The following TNRC6B variants were observed in gnomAD, a reference collection of about 807,000 sequenced individuals.
TNRC6B encodes the protein trinucleotide repeat containing adaptor 6B.
In TNRC6B, 52 loss-of-function variants were observed where a neutral mutation model predicts 203.6. The ratio of observed to expected loss-of-function variants is 0.26; its 90% CI spans 0.20 to 0.32. The LOEUF (loss-of-function observed/expected upper bound fraction) is 0.32, where lower values mean the gene tolerates loss of function less well. Among genes scored for constraint, TNRC6B ranks in the 10% least tolerant of loss-of-function variants. The pLI is 1.00. For missense variants in TNRC6B, 1,923 were observed against 2,286.2 expected (o/e 0.84, Z 3.24); for synonymous variants, 838 against 845.7 (o/e 0.99, Z 0.16).
chr22:40,301,189 CAG>C lies in TNRC6B; in HGVS notation c.3977_3978del (p.Gln1326ProfsTer71). ...GAGTGCACTGCAGCAGCAGCAGCAG[CAG>C]CAGCAGAGGCAGCCAGGCATGAAGC... ...MVSALQQQQQ[Q>X]QQRQPGMKHS... is the part of the protein sequence containing the mutation. On this transcript the variant is annotated frameshift_variant, in exon 15 of 23. Transcript: ENST00000454349. LOFTEE classifies it high-confidence loss of function. 1.3e-6 allele frequency: 2 copies of C among 1,553,780 alleles called. No individual in the cohort carries two copies. Among genetic ancestry groups the C allele is most frequent in the South Asian group, 2.4e-5 (2 of 84,260 alleles).
intron 18 of TNRC6B, 113 bp downstream of exon 18, chr22:40,312,764 A>G: frequency 2.7e-6 from 4 of 1,490,204 alleles, no homozygotes; most frequent in Non-Finnish European, 3.7e-6. Context: ...AAAATGTAAA[A>G]AGATTGCTTT....
intron 1 of TNRC6B, among the ~76,000 whole-genome samples, chr22:40,073,006 G>A (rs1218947641): frequency 2.0e-5 from 3 of 151,872 alleles, no homozygotes; most frequent in Non-Finnish European, 2.9e-5. Context: ...GAGGGCACAC[G>A]TAATAAGTAT....
intron 1 of TNRC6B, among the ~76,000 whole-genome samples, chr22:40,047,412 G>A (rs1028293050): frequency 6.7e-6 from 1 of 148,816 alleles, no homozygotes; most frequent in Non-Finnish European, 1.5e-5. Flanking sequence ...GACCAGCGTG[G>A]CCAACATGGT....
rs917585688 is a variant in TNRC6B at position 40,306,058 on chromosome 22, C to T, written c.4121-2454C>T. On this transcript the variant is annotated intron_variant, in intron 15 of 22. Transcript: ENST00000454349. ...CTGTAATCCCAGCACTTTGAGAGAC[C>T]GAGGCGGGCGGCTCACAAGGTCAGG... 5.9e-5 allele frequency among the ~76,000 whole-genome samples: 9 copies of T among 151,972 alleles called. 1 individual carries two copies. Among genetic ancestry groups the T allele is most frequent in the South Asian group, 4.2e-4 (2 of 4,810 alleles).
At chr22:40,304,610 C>T (rs73885673) in intron 15 of TNRC6B, among the ~76,000 whole-genome samples, 1,616 of 152,128 alleles carry the variant, frequency 0.011, 24 homozygotes, top group African/African-American at 0.037. Flanking sequence ...TTTATGTCAA[C>T]AAAGAAATTT....
At chr22:40,150,082 G>T (rs1045729446) in intron 3 of TNRC6B, among the ~76,000 whole-genome samples, 17 of 152,132 alleles carry the variant, frequency 1.1e-4, no homozygotes, top group Admixed American at 3.3e-4. Context: ...ACTAAGGCAG[G>T]TTATTAATGT....
chr22:40,317,705 T>G (rs1341604098), intron 21 of TNRC6B, among the ~76,000 whole-genome samples: 1 of 152,198 alleles, frequency 6.6e-6, no homozygotes, highest in Non-Finnish European at 1.5e-5. Context: ...TTGGAGGAGC[T>G]TCATTTGCAC....
At chr22:40,157,982 C>T (rs1252177591) in intron 4 of TNRC6B, among the ~76,000 whole-genome samples, 1 of 152,146 alleles carries the variant, frequency 6.6e-6, no homozygotes, top group East Asian at 1.9e-4. Flanking sequence ...TCCTTGGAAG[C>T]TATGCTCTTG....
At chr22:40,060,571 A>G (rs2067840914) in intron 1 of TNRC6B, among the ~76,000 whole-genome samples, 1 of 152,206 alleles carries the variant, frequency 6.6e-6, no homozygotes, top group Admixed American at 6.5e-5. Flanking sequence ...TAGGGTCCCC[A>G]AGACTATCCC....
At chr22:40,109,593 C>A (rs1252185656) in intron 1 of TNRC6B, among the ~76,000 whole-genome samples, 1 of 152,094 alleles carries the variant, frequency 6.6e-6, no homozygotes, top group Non-Finnish European at 1.5e-5. Context: ...TCTGATGTTT[C>A]ATAGTTATAA....
chr22:40,075,328 C>G (rs1245327948), intron 1 of TNRC6B, among the ~76,000 whole-genome samples: 1 of 150,966 alleles, frequency 6.6e-6, no homozygotes, highest in Non-Finnish European at 1.5e-5. Flanking sequence ...TGTGTATATA[C>G]ACATTTAGGA....
intron 1 of TNRC6B, among the ~76,000 whole-genome samples, chr22:40,244,755 C>T (rs972614097): frequency 6.6e-6 from 1 of 152,154 alleles, no homozygotes; most frequent in Non-Finnish European, 1.5e-5. Context: ...ATCTTTAAGT[C>T]TCCTTCCAGC....
Position 40,267,050 on chromosome 22 carries a change from T to C in TNRC6B, c.2806+14T>C, listed in dbSNP as rs768189633. 1.9e-6 allele frequency: 3 copies of C among 1,541,258 alleles called. No homozygotes were observed. The African/African-American group carries it at 4.1e-5, about 21-fold the overall frequency. The stretch of plus-strand genomic sequence containing the variant: ...AATCGGCATCAGGTAAGCAGTGGCT[T>C]TCTCTTGCAGCTTTTGATGAAGAAA... On this transcript the variant is annotated intron_variant, in intron 5 of 22. Coordinates refer to ENST00000454349, the MANE Select transcript of TNRC6B (RefSeq NM_001162501.2).
intron 1 of TNRC6B, among the ~76,000 whole-genome samples, chr22:40,202,303 C>G (rs537877067): frequency 6.9e-6 from 1 of 143,974 alleles, no homozygotes; most frequent in South Asian, 2.2e-4. Context: ...TTGCAAATGA[C>G]CAACTTTCTA....
chr22:40,051,975 C>T (rs1481900611), intron 1 of TNRC6B, among the ~76,000 whole-genome samples: 1 of 152,198 alleles, frequency 6.6e-6, no homozygotes, highest in East Asian at 1.9e-4. Context: ...TTCAAGTGCT[C>T]AGTAGCCACA....
rs1044329059 is a variant in TNRC6B at position 40,088,584 on chromosome 22, T to G, written c.-120-28471T>G. ...CTGCCACCATGCCCGGCGGCTACTTTTGTGTGTGTGTGTGTGTGTGTGTGT... is the reference window on the plus strand; with the variant it reads ...CTGCCACCATGCCCGGCGGCTACTTGTGTGTGTGTGTGTGTGTGTGTGTGT... On this transcript the variant is annotated intron_variant, in intron 1 of 23. Transcript: ENST00000301923. Among the ~76,000 whole-genome samples the G allele has an allele frequency of 2.9e-4, 36 of 125,228 alleles. 1 individual carries two copies. The South Asian group carries it at 7.2e-3, about 25-fold the overall frequency. 82.2% of individuals were successfully genotyped at this position (125,228 alleles called of 152,430 possible). A position where few individuals can be genotyped will look rare whatever the true frequency, so the allele number is the denominator to read the frequency against.
At chr22:40,311,481 C>T (rs2071180024) in intron 17 of TNRC6B, among the ~76,000 whole-genome samples, 1 of 151,738 alleles carries the variant, frequency 6.6e-6, no homozygotes, top group African/African-American at 2.4e-5. Flanking sequence ...TCCTCCTAGA[C>T]CTCTTTCTGT....
At chr22:40,153,671 C>A (rs2068782214) in intron 3 of TNRC6B, among the ~76,000 whole-genome samples, 1 of 151,460 alleles carries the variant, frequency 6.6e-6, no homozygotes, top group Non-Finnish European at 1.5e-5. Context: ...TATATATTTA[C>A]TACATAATAG....
At chr22:40,274,422 C>CTTTTTTTTTTTTTTTTTTTTTTTTTTT (rs374621260) in intron 7 of TNRC6B, among the ~76,000 whole-genome samples, 3 of 140,688 alleles carry the variant, frequency 2.1e-5, no homozygotes, top group African/African-American at 7.8e-5. Context: ...AATGATATCT[C>CTTTTTTTTTTTTTTTTTTTTTTTTTTT]TTTTTTTTTT....
Sources: gnomAD v4.1 joint callset for allele counts (sites outside exome capture counted in the v4.1 genomes callset) on GRCh38, gnomAD v4.1.1 for gene constraint, MANE v1.5 for transcripts, NCBI Gene and HGNC (gene_info 2026-07-23, HGNC 2026-07-21) for gene names.